Variants in SCGB2B2 observed in about 807,000 individuals in gnomAD.
SCGB2B2 encodes the protein secretoglobin family 2B member 2, also known as secretoglobin-like protein.
SCGB2B2 carries 11 observed loss-of-function variants against 7.6 expected under a neutral mutation model. The ratio of observed to expected loss-of-function variants is 1.45; its 90% CI spans 0.91 to 2.40. The LOEUF (loss-of-function observed/expected upper bound fraction) is 2.40, where lower values mean the gene tolerates loss of function less well. SCGB2B2 is among the 30% of genes most tolerant of loss of function. The pLI, the probability that SCGB2B2 is intolerant of heterozygous loss-of-function variation, is 0.00. For missense variants in SCGB2B2, 104 were observed against 115.4 expected (o/e 0.90, Z 0.45); for synonymous variants, 50 against 48.6 (o/e 1.03, Z -0.12).
chr19:34,605,506 T>A (rs781087442), intron 1 of SCGB2B2, among the ~76,000 whole-genome samples: 12 of 152,226 alleles, frequency 7.9e-5, no homozygotes, highest in Non-Finnish European at 1.6e-4. Context: ...TCATGTAAGA[T>A]GTAACTTTTT....
At chr19:34,633,065 A>G (rs534688244) in intron 1 of SCGB2B2, 1 of 152,408 alleles carries the variant, frequency 6.6e-6, no homozygotes, top group African/African-American at 2.4e-5. Context: ...GGTCTTTTCC[A>G]TGGAAACCCC....
intron 1 of SCGB2B2, among the ~76,000 whole-genome samples, chr19:34,666,294 G>A (rs2067619494): frequency 6.6e-6 from 1 of 151,984 alleles, no homozygotes; most frequent in Admixed American, 6.5e-5. Context: ...GATAATCACA[G>A]ACGCTTGTCC....
chr19:34,663,876 C>CTGGGGGGAAGAGACAA (rs2067533846), intron 1 of SCGB2B2, among the ~76,000 whole-genome samples: 1 of 152,010 alleles, frequency 6.6e-6, no homozygotes, highest in Admixed American at 6.6e-5. Flanking sequence ...CAGGAGAGGA[C>CTGGGGGGAAGAGACAA]TGGGGGGAAG....
intron 1 of SCGB2B2, chr19:34,645,234 T>C (rs1004655751): frequency 1.3e-5 from 2 of 152,234 alleles, no homozygotes; most frequent in African/African-American, 4.8e-5. Context: ...ATCTAGGGGA[T>C]GCCAGGTGCA....
chr19:34,596,693 C>T (rs890568571), intron 1 of SCGB2B2, 99 bp from the exon 2 acceptor site: 1 of 152,242 alleles, frequency 6.6e-6, no homozygotes, highest in Non-Finnish European at 1.5e-5. Flanking sequence ...GGGGACCCTC[C>T]CCAGGGGGAA....
At position 34,594,368 on chromosome 19, in the gene SCGB2B2, G is replaced by A. The variant is rs1380945503; in HGVS notation, c.62-9C>T. On this transcript the variant is annotated splice_polypyrimidine_tract_variant and intron_variant, in intron 2 of 3. Transcript: ENST00000601241. ...ATCCAGGCAGGCATCCCCTGTGGAG[G>A]ATGAGGTGAGATAAGAAAACAGAGG... 4 of 1,612,588 alleles carry A rather than the reference G, an allele frequency of 2.5e-6. No individual in the cohort carries two copies. The highest frequency in any genetic ancestry group is 1.1e-5 in the South Asian group (1 of 91,032).
intron 1 of SCGB2B2, among the ~76,000 whole-genome samples, chr19:34,652,344 AGAG>A (rs1311500998): frequency 6.6e-6 from 1 of 151,298 alleles, no homozygotes; most frequent in Non-Finnish European, 1.5e-5. Flanking sequence ...GACAACTTGC[AGAG>A]AAGAGACAAC....
intron 1 of SCGB2B2, among the ~76,000 whole-genome samples, chr19:34,666,491 C>A (rs2146177317): frequency 6.6e-6 from 1 of 152,260 alleles, no homozygotes; most frequent in South Asian, 2.1e-4. Context: ...AGTGCACAGC[C>A]ACCTAGATCC....
intron 3 of SCGB2B2, 62 bp downstream of exon 3, chr19:34,594,113 G>A: frequency 7.4e-7 from 1 of 1,348,776 alleles, no homozygotes; most frequent in Non-Finnish European, 1.1e-6. Context: ...GCAAGTGCAG[G>A]GAAGTGCAAG....
intron 1 of SCGB2B2, among the ~76,000 whole-genome samples, chr19:34,635,987 G>C (rs2066666066): frequency 6.6e-6 from 1 of 152,190 alleles, no homozygotes; most frequent in Non-Finnish European, 1.5e-5. Flanking sequence ...CTGATGCTCA[G>C]CCAAGAGCAA....
chr19:34,647,290 T>A (rs1230824928), intron 1 of SCGB2B2, among the ~76,000 whole-genome samples: 1 of 152,018 alleles, frequency 6.6e-6, no homozygotes, highest in Non-Finnish European at 1.5e-5. Context: ...TCGCTGGAGG[T>A]CTCAGTGGCC....
chr19:34,674,785 C>T (rs552145328), intron 1 of SCGB2B2, among the ~76,000 whole-genome samples: 19 of 152,116 alleles, frequency 1.2e-4, no homozygotes, highest in Non-Finnish European at 2.5e-4. Flanking sequence ...AAATCCCAAG[C>T]AGGAAAGAAT....
intron 1 of SCGB2B2, among the ~76,000 whole-genome samples, chr19:34,596,804 G>C (rs1008219214): frequency 1.3e-5 from 2 of 151,996 alleles, no homozygotes; most frequent in African/African-American, 4.8e-5. Context: ...GAGGGCCGCA[G>C]TGGGGCTGAG....
chr19:34,603,468 C>G (rs1331122666), intron 1 of SCGB2B2, among the ~76,000 whole-genome samples: 3 of 152,190 alleles, frequency 2.0e-5, no homozygotes, highest in African/African-American at 7.2e-5. Flanking sequence ...AATGTCCATA[C>G]ACCACTCACT....
chr19:34,647,738 C>T (rs953779122), intron 1 of SCGB2B2, among the ~76,000 whole-genome samples: 2 of 152,180 alleles, frequency 1.3e-5, no homozygotes, highest in African/African-American at 4.8e-5. Context: ...AAGTTCACAT[C>T]CAAGGTGAAG....
At chr19:34,605,281 A>ATGAG (rs2065746302) in intron 1 of SCGB2B2, among the ~76,000 whole-genome samples, 2 of 152,222 alleles carry the variant, frequency 1.3e-5, no homozygotes, top group South Asian at 4.1e-4. Flanking sequence ...GTGGATTTCC[A>ATGAG]TGAGTTTTGA....
intron 1 of SCGB2B2, among the ~76,000 whole-genome samples, chr19:34,670,679 C>A (rs2067778955): frequency 6.6e-6 from 1 of 152,176 alleles, no homozygotes; most frequent in African/African-American, 2.4e-5. Context: ...GCCTATGGCT[C>A]TTTTCTTCCT....
At chr19:34,635,410 CT>C in intron 1 of SCGB2B2, 3 of 308,760 alleles carry the variant, frequency 9.7e-6, no homozygotes, top group South Asian at 3.8e-5. Flanking sequence ...CTGCTGTAGG[CT>C]TTTCCACATT....
intron 1 of SCGB2B2, among the ~76,000 whole-genome samples, chr19:34,648,055 G>A (rs952660158): frequency 8.5e-5 from 13 of 152,174 alleles, no homozygotes; most frequent in Admixed American, 7.9e-4. Context: ...TGGATGCGAT[G>A]CCACTCCTGA....
Sources: allele counts gnomAD v4.1 joint callset (sites outside exome capture counted in the v4.1 genomes callset), GRCh38; gene constraint gnomAD v4.1.1; transcripts MANE v1.5; gene names NCBI Gene and HGNC (gene_info 2026-07-23, HGNC 2026-07-21).